Variants in RBFOX1 observed in about 807,000 individuals in gnomAD.
The protein encoded by RBFOX1 is RNA binding fox-1 homolog 1.
A neutral mutation model predicts 57.7 loss-of-function variants in RBFOX1; 8 were observed. The ratio of observed to expected loss-of-function variants is 0.14; its 90% CI spans 0.08 to 0.25. The LOEUF is 0.25. RBFOX1 is among the 10% of genes least tolerant of loss of function. The pLI, the probability that RBFOX1 is intolerant of heterozygous loss-of-function variation, is 1.00. For synonymous variants in RBFOX1, 326 were observed against 222.4 expected (o/e 1.47, Z -4.15); for missense variants, 611 against 548.5 (o/e 1.11, Z -1.14).
chr16:5,398,744 G>T (rs1386042097), intron 1 of RBFOX1, among the ~76,000 whole-genome samples: 1 of 152,164 alleles, frequency 6.6e-6, no homozygotes, highest in Non-Finnish European at 1.5e-5. Context: ...AGTAAGTGAT[G>T]ATTCCATGGG....
chr16:6,134,455 T>C (rs1190964432), intron 1 of RBFOX1, among the ~76,000 whole-genome samples: 3 of 152,178 alleles, frequency 2.0e-5, no homozygotes, highest in Non-Finnish European at 4.4e-5. Context: ...GTTAGGGGTA[T>C]TGTACTAGTT....
At chr16:7,315,692 A>G (rs980608238) in intron 4 of RBFOX1, among the ~76,000 whole-genome samples, 1 of 151,802 alleles carries the variant, frequency 6.6e-6, no homozygotes, top group Non-Finnish European at 1.5e-5. Context: ...ACTTTTCATC[A>G]TGGGACATAT....
intron 14 of RBFOX1, among the ~76,000 whole-genome samples, chr16:7,695,062 G>C: frequency 6.6e-6 from 1 of 152,190 alleles, no homozygotes. Flanking sequence ...GTTTGCATGC[G>C]TGTGGTGAGT....
intron 3 of RBFOX1, among the ~76,000 whole-genome samples, chr16:7,004,518 C>G (rs1471213087): frequency 6.6e-6 from 1 of 152,160 alleles, no homozygotes; most frequent in Non-Finnish European, 1.5e-5. Context: ...GCCAGCACTC[C>G]AAGAGAGAGA....
At chr16:5,960,182 C>T (rs1192706532) in intron 4 of RBFOX1, among the ~76,000 whole-genome samples, 1 of 152,080 alleles carries the variant, frequency 6.6e-6, no homozygotes, top group African/African-American at 2.4e-5. Flanking sequence ...GCCTGGGCAA[C>T]AGAGTGAGAC....
chr16:6,889,929 T>C (rs1305341175), intron 3 of RBFOX1, among the ~76,000 whole-genome samples: 1 of 152,230 alleles, frequency 6.6e-6, no homozygotes, highest in South Asian at 2.1e-4. Flanking sequence ...AAATTTCTCA[T>C]AGCCACGTAT....
At chr16:7,471,210 T>G (rs1452158643) in intron 4 of RBFOX1, among the ~76,000 whole-genome samples, 1 of 152,198 alleles carries the variant, frequency 6.6e-6, no homozygotes, top group East Asian at 1.9e-4. Flanking sequence ...AGTGCCTGTT[T>G]GTTCATTGCA....
At chr16:7,528,542 A>G (rs1463639433) in intron 5 of RBFOX1, among the ~76,000 whole-genome samples, 2 of 152,130 alleles carry the variant, frequency 1.3e-5, no homozygotes, top group Non-Finnish European at 2.9e-5. Context: ...CTATGGCACC[A>G]TCTTAGTTCA....
chr16:7,484,695 C>T (rs945570891), intron 4 of RBFOX1, among the ~76,000 whole-genome samples: 1 of 152,184 alleles, frequency 6.6e-6, no homozygotes, highest in African/African-American at 2.4e-5. Context: ...AACTCCTGGC[C>T]TCAGGTGATC....
chr16:5,748,445 C>T (rs545676812), intron 3 of RBFOX1, among the ~76,000 whole-genome samples: 13 of 152,218 alleles, frequency 8.5e-5, no homozygotes, highest in East Asian at 7.7e-4. Context: ...ACTTTCGTCT[C>T]GTGGATCTGT....
At chr16:6,977,495 C>T (rs948738365) in intron 3 of RBFOX1, among the ~76,000 whole-genome samples, 1 of 152,008 alleles carries the variant, frequency 6.6e-6, no homozygotes, top group Non-Finnish European at 1.5e-5. Context: ...CCCAGCAAGT[C>T]CCAGCCTCAT....
intron 1 of RBFOX1, among the ~76,000 whole-genome samples, chr16:6,226,859 C>T (rs775151019): frequency 1.3e-5 from 2 of 151,088 alleles, no homozygotes; most frequent in Non-Finnish European, 2.9e-5. Context: ...CCTGTAATCT[C>T]AGCAGTTTGG....
chr16:7,157,407 A>G (rs1013595958), intron 4 of RBFOX1, among the ~76,000 whole-genome samples: 1 of 152,120 alleles, frequency 6.6e-6, no homozygotes, highest in African/African-American at 2.4e-5. Flanking sequence ...TGTAAAATGC[A>G]CTTAGGATCT....
intron 3 of RBFOX1, among the ~76,000 whole-genome samples, chr16:6,798,071 G>C (rs1030613597): frequency 6.6e-6 from 1 of 152,086 alleles, no homozygotes; most frequent in African/African-American, 2.4e-5. Context: ...AGGCATGTTA[G>C]AAAGACTATA....
At chr16:5,558,439 C>T (rs531937671) in intron 2 of RBFOX1, among the ~76,000 whole-genome samples, 17 of 152,162 alleles carry the variant, frequency 1.1e-4, no homozygotes, top group South Asian at 8.3e-4. Flanking sequence ...ACTGAAGGAG[C>T]GAGCCACAGC....
chr16:7,075,021 A>C (rs2058047539), intron 4 of RBFOX1, among the ~76,000 whole-genome samples: 1 of 152,144 alleles, frequency 6.6e-6, no homozygotes, highest in African/African-American at 2.4e-5. Context: ...AAAAAGAGAA[A>C]AAAGGGGCAA....
At chr16:7,264,418 G>A (rs2095049949) in intron 4 of RBFOX1, among the ~76,000 whole-genome samples, 1 of 152,212 alleles carries the variant, frequency 6.6e-6, no homozygotes, top group Non-Finnish European at 1.5e-5. Context: ...GATCTGGGAT[G>A]GCTCACAGTA....
intron 2 of RBFOX1, among the ~76,000 whole-genome samples, chr16:5,486,077 C>G (rs947858911): frequency 5.3e-5 from 8 of 152,180 alleles, no homozygotes; most frequent in African/African-American, 1.9e-4. Flanking sequence ...TCTTTTCTCT[C>G]CCCTGAAGCA....
At chr16:5,722,822 G>A (rs1222845530) in intron 3 of RBFOX1, among the ~76,000 whole-genome samples, 1 of 152,162 alleles carries the variant, frequency 6.6e-6, no homozygotes, top group Non-Finnish European at 1.5e-5. Context: ...TTTCTGAGGA[G>A]TCTCCCAAGA....
Sources: gnomAD v4.1 joint callset for allele counts (sites outside exome capture counted in the v4.1 genomes callset) on GRCh38, gnomAD v4.1.1 for gene constraint, MANE v1.5 for transcripts, NCBI Gene and HGNC (gene_info 2026-07-23, HGNC 2026-07-21) for gene names.